MAP7D2: variants seen among roughly 807,000 people sequenced by gnomAD.
MAP7D2 encodes MAP7 domain containing 2, also known as MAP7 domain-containing protein 2.
Under a neutral mutation model 63.5 loss-of-function variants are expected in MAP7D2, and 33 were observed. The observed-to-expected ratio is 0.52, with a 90% CI of 0.39 to 0.70. The LOEUF (loss-of-function observed/expected upper bound fraction) is 0.70, where lower values mean the gene tolerates loss of function less well. Among genes scored for constraint, MAP7D2 ranks in the 30% least tolerant of loss-of-function variants. The probability of loss-of-function intolerance (pLI) is 0.00; values close to 1 mark genes in which losing one functional copy is unlikely to be tolerated. For synonymous variants in MAP7D2, 224 were observed against 223.7 expected (o/e 1.00, Z -0.01); for missense variants, 626 against 604.0 (o/e 1.04, Z -0.38).
In MAP7D2 at chrX:20,042,566, G is replaced by C. The variant is rs762119961; in HGVS notation, c.943C>G (p.Pro315Ala). Reference protein sequence around the residue: ...TSLPVVNFGSPLRRCEFSGGI... With the variant: ...TSLPVVNFGSALRRCEFSGGI... ...CCAGAAAACTCACATCTTCTCAGAGGGGACCCGAAGTTCACAACAGGAAGA... is the reference window on the plus strand; with the variant it reads ...CCAGAAAACTCACATCTTCTCAGAGCGGACCCGAAGTTCACAACAGGAAGA... The change falls in exon 8 of 17, where the codon CCT becomes GCT. Residue 315 changes from proline (P) to alanine (A), a missense_variant. Pro to Ala is a conservative substitution (Grantham distance 27, BLOSUM62 -1). Coordinates refer to ENST00000379643, the MANE Select transcript of MAP7D2 (RefSeq NM_001168465.2). 9.9e-6 allele frequency: 12 copies of C among 1,211,309 alleles called. No homozygotes were observed. In the South Asian group the frequency reaches 2.1e-4, roughly 21 times the overall value.
chrX:20,038,893 G>C (rs901465681), intron 8 of MAP7D2, among the ~76,000 whole-genome samples: 1 of 112,018 alleles, frequency 8.9e-6, no homozygotes, highest in African/African-American at 3.2e-5. Context: ...GAATACAGGA[G>C]ATCCCTTAGG....
rs146953331 is a variant in MAP7D2, at chrX:20,012,498, A to T, written c.1923T>A (p.Gly641=). Reference sequence around the variant, plus strand: ...AAGTTTCTGGGGCAGCGTGATCCACACCATTAACTTCCTGGCAGGTGTTCA... The same window carrying T: ...AAGTTTCTGGGGCAGCGTGATCCACTCCATTAACTTCCTGGCAGGTGTTCA... The part of the protein sequence containing the change: ...NGLNTCQEVN[G]VDHAAPETYP... The change falls in exon 15 of 17, where the codon GGT becomes GGA. Residue 641 remains glycine, a synonymous_variant. Transcript: ENST00000379643. 31 of 1,195,729 alleles carry T rather than the reference A, an allele frequency of 2.6e-5. No individual in the cohort carries two copies. The African/African-American group carries it at 4.9e-4, about 19-fold the overall frequency.
In MAP7D2 at chrX:20,053,010, A is replaced by T. The variant is rs778842974; in HGVS notation, c.485-22T>A. The T allele has an allele frequency of 1.3e-5, 14 of 1,090,497 alleles. No homozygotes were observed. The Admixed American group carries it at 3.1e-4, about 24-fold the overall frequency. 89.9% of individuals were successfully genotyped at this position (1,090,497 alleles called of 1,213,427 possible). On this transcript the variant is annotated intron_variant, in intron 4 of 16. Transcript: ENST00000379643. The stretch of plus-strand genomic sequence containing the variant: ...CATGCTGCAGAGAAATGCATTAAAG[A>T]CATTGGTATTCATCACACTACTGTA...
At chrX:20,025,554 G>T (rs1041492253) in intron 9 of MAP7D2, 127 bp downstream of exon 9, 72 of 853,073 alleles carry the variant, frequency 8.4e-5, no homozygotes, top group African/African-American at 4.1e-5. Flanking sequence ...CAAGAAAGCT[G>T]CACGAGGGGA....
At chrX:20,075,892 C>T (rs941585002) in intron 1 of MAP7D2, among the ~76,000 whole-genome samples, 3 of 111,419 alleles carry the variant, frequency 2.7e-5, no homozygotes, top group Admixed American at 9.6e-5. Context: ...AAGAGCAGAA[C>T]CAGGTGGTTT....
chrX:20,113,898 G>A (rs975811140), intron 1 of MAP7D2, among the ~76,000 whole-genome samples: 2 of 111,575 alleles, frequency 1.8e-5, no homozygotes, highest in Non-Finnish European at 3.8e-5. Flanking sequence ...TAATTACCCT[G>A]TTGTGCTATC....
At chrX:20,022,646 C>T (rs1392208415) in intron 10 of MAP7D2, among the ~76,000 whole-genome samples, 1 of 111,517 alleles carries the variant, frequency 9.0e-6, no homozygotes, top group African/African-American at 3.3e-5. Flanking sequence ...AAGGAAAGAG[C>T]TGAGAGTAGC....
intron 1 of MAP7D2, among the ~76,000 whole-genome samples, chrX:20,097,199 TA>T (rs1433052282): frequency 8.9e-6 from 1 of 112,520 alleles, no homozygotes; most frequent in Non-Finnish European, 1.9e-5. Flanking sequence ...TATTTAATTT[TA>T]ATTAAGTAGC....
At chrX:20,099,209 A>C in intron 1 of MAP7D2, among the ~76,000 whole-genome samples, 1 of 105,358 alleles carries the variant, frequency 9.5e-6, no homozygotes, top group Non-Finnish European at 1.9e-5. Flanking sequence ...GGGCCAAGGA[A>C]GTCCTCTGCC....
intron 3 of MAP7D2, among the ~76,000 whole-genome samples, chrX:20,061,118 CAA>C (rs780468494): frequency 0.076 from 2,640 of 34,875 alleles, 149 homozygotes; most frequent in African/African-American, 0.25. Context: ...AGAACATGAC[CAA>C]AAAAAAAAAA....
At chrX:20,036,792 TACTTGGG>T (rs1351911865) in intron 8 of MAP7D2, among the ~76,000 whole-genome samples, 1 of 98,647 alleles carries the variant, frequency 1.0e-5, no homozygotes, top group Non-Finnish European at 2.0e-5. Flanking sequence ...TAATCCCAGC[TACTTGGG>T]AGGCTGAGGC....
At chrX:20,071,673 A>G (rs2065505655) in intron 1 of MAP7D2, among the ~76,000 whole-genome samples, 1 of 112,421 alleles carries the variant, frequency 8.9e-6, no homozygotes, top group African/African-American at 3.2e-5. Context: ...AGCTCAGCAG[A>G]GTGAGCCCCA....
At chrX:20,097,021 T>A (rs933522419) in intron 1 of MAP7D2, among the ~76,000 whole-genome samples, 3 of 111,523 alleles carry the variant, frequency 2.7e-5, no homozygotes, top group African/African-American at 9.8e-5. Flanking sequence ...TGAATGAACA[T>A]CTATCTTTCC....
At chrX:20,025,523 C>T (rs2073807946) in intron 9 of MAP7D2, among the ~76,000 whole-genome samples, 158 bp downstream of exon 9, 3 of 111,929 alleles carry the variant, frequency 2.7e-5, no homozygotes, top group Admixed American at 9.5e-5. Flanking sequence ...AAGGAAAGAA[C>T]TCAGGAGCAA....
At chrX:20,067,659 A>C (rs776706265) in intron 1 of MAP7D2, among the ~76,000 whole-genome samples, 2 of 111,187 alleles carry the variant, frequency 1.8e-5, no homozygotes, top group African/African-American at 6.5e-5. Context: ...TTTTTTTCCT[A>C]ATCTCTCACA....
rs373259306 is a variant in MAP7D2, at chrX:20,013,565, C to T, written c.1806+4G>A. The T allele has an allele frequency of 3.4e-6, 4 of 1,184,859 alleles. No homozygotes were observed. In the African/African-American group the frequency reaches 7.1e-5, roughly 21 times the overall value. On this transcript the variant is annotated splice_donor_region_variant and intron_variant, in intron 13 of 16. Coordinates refer to ENST00000379643, the MANE Select transcript of MAP7D2 (RefSeq NM_001168465.2). The stretch of plus-strand genomic sequence containing the variant: ...ACTATTAAAATGGTCATTTGAATTC[C>T]TACCTTCACTTGTGGAGACACATCA...
At chrX:20,063,879 C>T (rs2065283790) in intron 2 of MAP7D2, among the ~76,000 whole-genome samples, 1 of 112,363 alleles carries the variant, frequency 8.9e-6, no homozygotes, top group Non-Finnish European at 1.9e-5. Flanking sequence ...CAGTAAGTGC[C>T]TCCCCACGTG....
At chrX:20,038,058 T>C (rs2064546125) in intron 8 of MAP7D2, among the ~76,000 whole-genome samples, 1 of 111,637 alleles carries the variant, frequency 9.0e-6, no homozygotes, top group African/African-American at 3.3e-5. Flanking sequence ...GTGCCCAATC[T>C]GCCAGCAGCA....
intron 8 of MAP7D2, among the ~76,000 whole-genome samples, chrX:20,031,208 T>C (rs1157196199): frequency 6.4e-5 from 7 of 109,951 alleles, no homozygotes; most frequent in African/African-American, 2.3e-4. Context: ...GAGAATCACT[T>C]GAACCCGGGA....
Sources: allele counts gnomAD v4.1 joint callset (sites outside exome capture counted in the v4.1 genomes callset), GRCh38; gene constraint gnomAD v4.1.1; transcripts MANE v1.5; gene names NCBI Gene and HGNC (gene_info 2026-07-23, HGNC 2026-07-21).